The following HDAC9 variants were observed in gnomAD, a reference collection of about 807,000 sequenced individuals.
HDAC9 encodes MEF-2 interacting transcription repressor (MITR) protein.
Under a neutral mutation model 139.4 loss-of-function variants are expected in HDAC9, and 41 were observed. The observed-to-expected ratio is 0.29, with a 90% CI of 0.23 to 0.38. The LOEUF is 0.38. Among genes scored for constraint, HDAC9 ranks in the 10% least tolerant of loss-of-function variants. The pLI is 1.00. For missense variants in HDAC9, 1,147 were observed against 1,297.0 expected, an observed-to-expected ratio of 0.88 and a Z score of 1.78; for synonymous variants, 517 against 476.2, an observed-to-expected ratio of 1.09 and a Z score of -1.12.
At chr7:18,487,219 A>C (rs1001681391) in intron 1 of HDAC9, among the ~76,000 whole-genome samples, 1 of 152,108 alleles carries the variant, frequency 6.6e-6, no homozygotes, top group Non-Finnish European at 1.5e-5. Context: ...AAATGTGAAT[A>C]AAAAGAAAGT....
intron 1 of HDAC9, among the ~76,000 whole-genome samples, chr7:18,110,441 C>A (rs1212725202): frequency 1.3e-5 from 2 of 152,104 alleles, no homozygotes; most frequent in African/African-American, 4.8e-5. Flanking sequence ...ACCACATGAA[C>A]AATAGAGATA....
chr7:18,559,872 C>CT (rs1265620343), intron 2 of HDAC9, among the ~76,000 whole-genome samples: 7 of 152,180 alleles, frequency 4.6e-5, no homozygotes, highest in Non-Finnish European at 8.8e-5. Context: ...AGCAGTAATG[C>CT]TGGCTATACC....
chr7:18,621,781 G>C (rs946732389), intron 6 of HDAC9, among the ~76,000 whole-genome samples: 2 of 152,120 alleles, frequency 1.3e-5, no homozygotes, highest in Non-Finnish European at 2.9e-5. Context: ...ATTTATTGTA[G>C]TATGCCAAGT....
Position 18,987,623 on chromosome 7 carries a change from C to A in HDAC9, c.3171-8400C>A, listed in dbSNP as rs991773126. On this transcript the variant is annotated intron_variant, in intron 25 of 25. Transcript: ENST00000686413. ...GATTCCCTCTTTTTCTATTGATTGG[C>A]ATAGTTTCAGAAGGAATGGTACCAG... Among the ~76,000 whole-genome samples the A allele has an allele frequency of 7.2e-5, 11 of 152,018 alleles. No individual in the cohort carries two copies. In the East Asian group the frequency reaches 7.7e-4, roughly 11 times the overall value.
At chr7:18,993,140 T>TAAAA (rs76473221) in intron 25 of HDAC9, among the ~76,000 whole-genome samples, 96,343 of 151,412 alleles carry the variant, frequency 0.64, 31,118 homozygotes, top group African/African-American at 0.7. Flanking sequence ...TGTAGACATA[T>TAAAA]TTTTTGATTA....
rs556693005 is a variant in HDAC9, at chr7:18,708,756, C to T, written c.1732-18824C>T. Among the ~76,000 whole-genome samples, 4 of 152,204 alleles carry T rather than the reference C, an allele frequency of 2.6e-5. No individual in the cohort carries two copies. The South Asian group carries it at 8.3e-4, about 32-fold the overall frequency. On this transcript the variant is annotated intron_variant, in intron 12 of 25. Coordinates refer to ENST00000686413, the MANE Select transcript of HDAC9 (RefSeq NM_178425.4). ...AGAGTGCTTGGTGGAGGGGAGAGGC[C>T]TCATTAGCTGATGTCTCTATGGACT...
chr7:19,002,048 G>A lies in HDAC9; in HGVS notation c.*5986G>A, dbSNP rs977435095. ...TTGTCCTCTGTGCACCAGTGGTTTT[G>A]CCCTTAATTTTTTTTGGCTAGCATC... On this transcript the variant is annotated 3_prime_UTR_variant, in exon 26 of 26. Coordinates refer to ENST00000686413, the MANE Select transcript of HDAC9 (RefSeq NM_178425.4). The A allele has an allele frequency of 6.6e-6, 1 of 151,990 alleles. No individual in the cohort carries two copies. Among genetic ancestry groups the A allele is most frequent in the Non-Finnish European group, 1.5e-5 (1 of 67,916 alleles). 9.4% of individuals were successfully genotyped at this position (151,990 alleles called of 1,614,324 possible). A position where few individuals can be genotyped will look rare whatever the true frequency, so the allele number is the denominator to read the frequency against.
intron 23 of HDAC9, among the ~76,000 whole-genome samples, chr7:18,951,902 G>A (rs571099999): frequency 7.9e-5 from 12 of 151,670 alleles, no homozygotes; most frequent in African/African-American, 2.4e-4. Flanking sequence ...CTGTGGTCCC[G>A]CCATACAAGA....
intron 17 of HDAC9, among the ~76,000 whole-genome samples, chr7:18,811,869 A>G (rs989931054): frequency 9.2e-5 from 14 of 151,482 alleles, no homozygotes; most frequent in Non-Finnish European, 7.4e-5. Flanking sequence ...GGAGAGGGAG[A>G]GAGAGAAAGA....
At chr7:18,523,606 C>T (rs1030287653) in intron 2 of HDAC9, among the ~76,000 whole-genome samples, 1 of 152,114 alleles carries the variant, frequency 6.6e-6, no homozygotes, top group Non-Finnish European at 1.5e-5. Context: ...GTGAAATCTA[C>T]ACTGTTTGCA....
intron 1 of HDAC9, among the ~76,000 whole-genome samples, chr7:18,349,719 G>A (rs1031207877): frequency 4.6e-5 from 7 of 151,756 alleles, no homozygotes; most frequent in African/African-American, 1.7e-4. Context: ...AAAAAAAAAT[G>A]TGGTGTTGTG....
intron 2 of HDAC9, among the ~76,000 whole-genome samples, chr7:18,507,463 A>G (rs1026879386): frequency 2.6e-5 from 4 of 151,390 alleles, no homozygotes; most frequent in Non-Finnish European, 5.9e-5. Context: ...AAAGTGCTGG[A>G]ATTACAGGCG....
At chr7:18,514,409 A>G (rs1802528054) in intron 2 of HDAC9, among the ~76,000 whole-genome samples, 1 of 152,210 alleles carries the variant, frequency 6.6e-6, no homozygotes, top group Admixed American at 6.5e-5. Context: ...CTCTTTGCCC[A>G]GTGACTACAT....
intron 22 of HDAC9, among the ~76,000 whole-genome samples, chr7:18,920,821 G>C (rs138898945): frequency 0.016 from 2,476 of 152,164 alleles, 132 homozygotes; most frequent in East Asian, 0.13. Flanking sequence ...TGTTGAACCA[G>C]CCTTGTATAC....
chr7:18,699,718 T>G (rs1325067376), intron 12 of HDAC9, among the ~76,000 whole-genome samples: 4 of 152,136 alleles, frequency 2.6e-5, no homozygotes, highest in Non-Finnish European at 5.9e-5. Context: ...CTTTATATAT[T>G]AAGATATTCC....
intron 1 of HDAC9, among the ~76,000 whole-genome samples, chr7:18,481,006 T>C (rs1795505627): frequency 6.6e-6 from 1 of 152,184 alleles, no homozygotes; most frequent in Non-Finnish European, 1.5e-5. Flanking sequence ...GCTGCAGCCC[T>C]GCAGCAGAGC....
intron 24 of HDAC9, among the ~76,000 whole-genome samples, chr7:18,954,977 T>C (rs540222096): frequency 6.6e-6 from 1 of 152,202 alleles, no homozygotes; most frequent in South Asian, 2.1e-4. Flanking sequence ...GGAGTTAAAT[T>C]ACCCATTTAT....
chr7:18,535,324 A>C (rs1015201034), intron 2 of HDAC9, among the ~76,000 whole-genome samples: 6 of 152,124 alleles, frequency 3.9e-5, no homozygotes, highest in Non-Finnish European at 8.8e-5. Flanking sequence ...AAATTGATAT[A>C]ATAAATATTA....
intron 1 of HDAC9, among the ~76,000 whole-genome samples, chr7:18,302,937 G>C (rs1798639013): frequency 6.6e-6 from 1 of 151,968 alleles, no homozygotes. Flanking sequence ...TCTCAGTTAA[G>C]TAACTTTTTC....
Sources: gnomAD v4.1 joint callset for allele counts (sites outside exome capture counted in the v4.1 genomes callset) on GRCh38, gnomAD v4.1.1 for gene constraint, MANE v1.5 for transcripts, NCBI Gene and HGNC (gene_info 2026-07-23, HGNC 2026-07-21) for gene names.